The following CHID1 variants were observed in gnomAD, a reference collection of about 807,000 sequenced individuals.
CHID1 encodes chitinase domain-containing protein 1.
Under a neutral mutation model 55.4 loss-of-function variants are expected in CHID1, and 44 were observed. That is an observed-to-expected ratio of 0.79 (90% confidence interval 0.62 to 1.02). CHID1 has a LOEUF of 1.02. Among genes scored for constraint, CHID1 ranks in the 50% least tolerant of loss-of-function variants. The pLI is 0.00. For missense variants in CHID1, 491 were observed against 515.3 expected (o/e 0.95, Z 0.46); for synonymous variants, 216 against 212.9 (o/e 1.01, Z -0.13).
intron 7 of CHID1, among the ~76,000 whole-genome samples, chr11:896,421 G>A (rs1274771739): frequency 2.3e-5 from 3 of 131,026 alleles, no homozygotes; most frequent in African/African-American, 6.3e-5. Context: ...CAGACACAAC[G>A]AGCCTGTCTC....
chr11:880,195 C>T (rs1156261335), intron 10 of CHID1, among the ~76,000 whole-genome samples: 4 of 152,232 alleles, frequency 2.6e-5, no homozygotes, highest in Admixed American at 2.0e-4. Flanking sequence ...CGGAGCCCCG[C>T]GTGTCTCAGT....
intron 10 of CHID1, chr11:874,671 G>T (rs1168615101): frequency 1.2e-4 from 18 of 152,178 alleles, no homozygotes; most frequent in Admixed American, 1.2e-3. Context: ...ACCCAAGCTG[G>T]TTTCAAACTC....
Position 883,306 on chromosome 11 carries a change from G to C in CHID1, c.804-3C>G. ...ACAGGGGTGCATTAGGGCCAGGCCT[G>C]CAGGGCAAGGGGTGAGCGAGTTTCA... On this transcript the variant is annotated splice_region_variant and splice_polypyrimidine_tract_variant and intron_variant, in intron 9 of 12. Transcript: ENST00000323578. 6.2e-7 allele frequency: 1 copy of C among 1,609,218 alleles called. No homozygotes were observed. Among genetic ancestry groups the C allele is most frequent in the Non-Finnish European group, 8.5e-7 (1 of 1,176,426 alleles).
intron 8 of CHID1, among the ~76,000 whole-genome samples, chr11:891,305 C>T (rs1850798309): frequency 6.6e-6 from 1 of 152,166 alleles, no homozygotes; most frequent in Admixed American, 6.5e-5. Flanking sequence ...CACCGTGGGC[C>T]TCGGCCCCGC....
chr11:892,730 G>C (rs1442143088), intron 8 of CHID1, among the ~76,000 whole-genome samples: 1 of 152,222 alleles, frequency 6.6e-6, no homozygotes, highest in Non-Finnish European at 1.5e-5. Context: ...AGCCCACACT[G>C]ATCAGCGGAG....
At position 904,802 on chromosome 11, in the gene CHID1, G is replaced by A; in HGVS notation, c.15C>T (p.Phe5=). The stretch of plus-strand genomic sequence containing the variant: ...AGGCCAGGGCAAGCCAGAGGAGGTT[G>A]AAGAGTGTCCGCATGGTAGGTGTGT... MRTL[F]NLLWLALACS... Residue 5 remains phenylalanine (F), a synonymous_variant, in exon 2 of 13, where the codon TTC becomes TTT. Coordinates refer to ENST00000323578, the MANE Select transcript of CHID1 (RefSeq NM_023947.4). The A allele has an allele frequency of 6.2e-7, 1 of 1,613,970 alleles. No individual in the cohort carries two copies. The highest frequency in any genetic ancestry group is 2.2e-5 in the East Asian group (1 of 44,890).
At chr11:886,628 C>T (rs1850417834) in intron 8 of CHID1, among the ~76,000 whole-genome samples, 1 of 152,222 alleles carries the variant, frequency 6.6e-6, no homozygotes, top group South Asian at 2.1e-4. Flanking sequence ...TGAGAAGAGA[C>T]ACCACAGCTC....
chr11:896,845 T>C (rs7926756), intron 7 of CHID1, among the ~76,000 whole-genome samples: 1 of 113,778 alleles, frequency 8.8e-6, no homozygotes. Context: ...CCACAGAAAC[T>C]AAGCTGTCTC....
At chr11:882,695 A>T (rs535636959) in intron 10 of CHID1, among the ~76,000 whole-genome samples, 16 of 152,360 alleles carry the variant, frequency 1.1e-4, no homozygotes, top group African/African-American at 3.8e-4. Context: ...ACCGACAGCC[A>T]GAATTCTACA....
At chr11:894,720 T>C (rs1851129028) in intron 7 of CHID1, among the ~76,000 whole-genome samples, 1 of 152,278 alleles carries the variant, frequency 6.6e-6, no homozygotes, top group South Asian at 2.1e-4. Context: ...CACAAGCCTC[T>C]GTGGGGCTCA....
intron 1 of CHID1, among the ~76,000 whole-genome samples, chr11:906,406 T>G (rs567528879): frequency 9.2e-4 from 140 of 152,054 alleles, no homozygotes; most frequent in Admixed American, 9.1e-3. Flanking sequence ...ATCCGGCTAG[T>G]TTTTGTATTT....
At chr11:883,382 G>C in intron 9 of CHID1, 79 bp from the exon 10 acceptor site, 1 of 1,411,548 alleles carries the variant, frequency 7.1e-7, no homozygotes, top group Non-Finnish European at 9.7e-7. Context: ...CTCCACTGAG[G>C]GGTGCATCCT....
chr11:902,844 T>A, intron 3 of CHID1, 118 bp downstream of exon 3: 2 of 945,278 alleles, frequency 2.1e-6, no homozygotes, highest in Non-Finnish European at 3.2e-6. Context: ...CAGCAGCAGC[T>A]CCGGGAGATC....
chr11:874,595 C>T (rs1390495214), intron 10 of CHID1: 1 of 152,288 alleles, frequency 6.6e-6, no homozygotes, highest in East Asian at 1.9e-4. Context: ...GCCGGGACTA[C>T]AGGTGTGCAC....
intron 8 of CHID1, 133 bp downstream of exon 8, chr11:893,293 AG>A (rs201288956): frequency 0.024 from 15,297 of 645,212 alleles, 253 homozygotes; most frequent in Non-Finnish European, 0.034. Context: ...TGGCAGCTGA[AG>A]CCTCTATACA....
At chr11:913,150 C>T (rs186496254), upstream of CHID1, among the ~76,000 whole-genome samples, 2 of 150,392 alleles carry the variant, frequency 1.3e-5, no homozygotes, top group African/African-American at 2.5e-5. Flanking sequence ...TGCCCCCCCC[C>T]GCAAAAAAAA....
chr11:909,678 G>A, intron 1 of CHID1, among the ~76,000 whole-genome samples: 1 of 152,230 alleles, frequency 6.6e-6, no homozygotes, highest in East Asian at 1.9e-4. Flanking sequence ...TTCTGCGATG[G>A]ACGCACTGAC....
At chr11:908,653 AG>A (rs1852412041) in intron 1 of CHID1, 2 of 979,156 alleles carry the variant, frequency 2.0e-6, no homozygotes, top group Non-Finnish European at 2.4e-6. Flanking sequence ...AATCTGGGTC[AG>A]GGAGGAAGGA....
rs200188854 is a variant in CHID1, at chr11:870,001, C to T, written c.1084-45G>A. 2.5e-6 allele frequency: 4 copies of T among 1,608,610 alleles called. No individual in the cohort carries two copies. The East Asian group carries it at 6.7e-5, about 27-fold the overall frequency. ...TGAGCACCTGCTGGGGCCTGTCCCC[C>T]CAACACCCAGGGATGTCCTCCAGGC... is the stretch of plus-strand genomic sequence containing the variant. On this transcript the variant is annotated intron_variant, in intron 12 of 12. Coordinates refer to ENST00000323578, the MANE Select transcript of CHID1 (RefSeq NM_023947.4).
Sources: allele counts gnomAD v4.1 joint callset (sites outside exome capture counted in the v4.1 genomes callset), GRCh38; gene constraint gnomAD v4.1.1; transcripts MANE v1.5; gene names NCBI Gene and HGNC (gene_info 2026-07-23, HGNC 2026-07-21).